The following ZFAND4 variants were observed in gnomAD, a reference collection of about 807,000 sequenced individuals.
The protein encoded by ZFAND4 is AN1-type zinc finger protein 4.
In ZFAND4, 43 loss-of-function variants were observed where a neutral mutation model predicts 64.4. The ratio of observed to expected loss-of-function variants is 0.67; its 90% CI spans 0.52 to 0.86. The LOEUF is 0.86. Among genes scored for constraint, ZFAND4 ranks in the 40% least tolerant of loss-of-function variants. The pLI is 0.00. For missense variants in ZFAND4, 929 were observed against 859.8 expected, an observed-to-expected ratio of 1.08 and a Z score of -1.01; for synonymous variants, 296 against 305.7, an observed-to-expected ratio of 0.97 and a Z score of 0.33.
intron 7 of ZFAND4, among the ~76,000 whole-genome samples, chr10:45,625,473 CAAAAAAAAAA>C (rs1195950172): frequency 1.7e-4 from 9 of 53,088 alleles, no homozygotes; most frequent in Admixed American, 9.0e-4. Context: ...GACTCCGTCT[CAAAAAAAAAA>C]AAAAAAAAAA....
At chr10:45,637,108 A>C (rs2046654271) in intron 6 of ZFAND4, among the ~76,000 whole-genome samples, 1 of 152,034 alleles carries the variant, frequency 6.6e-6, no homozygotes, top group Admixed American at 6.6e-5. Context: ...TGGGAGGCCA[A>C]GGTGGGAGGA....
intron 4 of ZFAND4, chr10:45,651,463 C>T (rs914683504): frequency 4.0e-5 from 17 of 427,632 alleles, no homozygotes; most frequent in East Asian, 3.5e-4. Context: ...ACGCTCAATA[C>T]GTATTTGTTG....
intron 2 of ZFAND4, among the ~76,000 whole-genome samples, chr10:45,657,052 T>C (rs939595674): frequency 4.0e-5 from 6 of 151,792 alleles, no homozygotes; most frequent in Non-Finnish European, 7.4e-5. Context: ...TCTCATCCAT[T>C]GCCCAGGCTG....
intron 6 of ZFAND4, 165 bp downstream of exon 6, chr10:45,639,651 A>G (rs2046854440): frequency 2.6e-6 from 2 of 766,464 alleles, no homozygotes; most frequent in Non-Finnish European, 3.8e-6. Flanking sequence ...CTTCTAATCC[A>G]AAAAATCCAA....
intron 1 of ZFAND4, among the ~76,000 whole-genome samples, chr10:45,671,921 A>G (rs1184003069): frequency 6.6e-6 from 1 of 152,172 alleles, no homozygotes; most frequent in Non-Finnish European, 1.5e-5. Flanking sequence ...TTAAAGGTAA[A>G]CAGGCAATAG....
intron 2 of ZFAND4, 99 bp downstream of exon 2, chr10:45,663,443 T>C (rs1209931503): frequency 3.5e-6 from 3 of 866,562 alleles, no homozygotes; most frequent in Non-Finnish European, 5.2e-6. Flanking sequence ...ACATCATATA[T>C]GTTTGAAATT....
In ZFAND4 at chr10:45,651,989, C is replaced by T. The variant is rs138384835; in HGVS notation, c.305G>A (p.Gly102Asp). The change falls in exon 4 of 10, where the codon GGC becomes GAC. Residue 102 changes from glycine (G) to aspartate (D), a missense_variant. By Grantham distance (94) the Gly-to-Asp change is moderately conservative (BLOSUM62 -1). Coordinates refer to ENST00000344646, the MANE Select transcript of ZFAND4 (RefSeq NM_174890.4). ...ACCTCTTCTAGTATTTATAGGTCCG[C>T]CACGCATAGCCAAAACTAGCTTCAA... Reference protein sequence around the residue: ...CTLKLVLAMRGGPINTRRVPT... With the variant: ...CTLKLVLAMRDGPINTRRVPT... 2.0e-5 allele frequency: 32 copies of T among 1,613,602 alleles called. No individual in the cohort carries two copies. Among genetic ancestry groups the T allele is most frequent in the Non-Finnish European group, 2.5e-5 (30 of 1,179,758 alleles).
intron 1 of ZFAND4, among the ~76,000 whole-genome samples, chr10:45,664,743 T>C (rs1480171093): frequency 2.0e-5 from 3 of 151,742 alleles, no homozygotes; most frequent in Non-Finnish European, 2.9e-5. Context: ...CTGGCTAACA[T>C]GGTGAGACCC....
chr10:45,640,089 T>G, intron 5 of ZFAND4, 126 bp from the exon 6 acceptor site: 1 of 1,323,016 alleles, frequency 7.6e-7, no homozygotes, highest in Non-Finnish European at 1.0e-6. Context: ...TTTGTCAATG[T>G]TAATGTCAGG....
chr10:45,669,629 C>G (rs1328383833), intron 1 of ZFAND4, among the ~76,000 whole-genome samples: 1 of 152,184 alleles, frequency 6.6e-6, no homozygotes, highest in Non-Finnish European at 1.5e-5. Context: ...CGAAAATCCT[C>G]AATAAAATAC....
chr10:45,669,338 T>A (rs535019002), intron 1 of ZFAND4, among the ~76,000 whole-genome samples: 1 of 152,162 alleles, frequency 6.6e-6, no homozygotes, highest in East Asian at 1.9e-4. Context: ...CAGGAAGAAG[T>A]GGAATCTCTG....
At chr10:45,670,219 T>C (rs1181540677) in intron 1 of ZFAND4, among the ~76,000 whole-genome samples, 2 of 150,046 alleles carry the variant, frequency 1.3e-5, no homozygotes, top group East Asian at 2.0e-4. Context: ...AAATCACAAC[T>C]ATCTGATTTT....
chr10:45,665,292 C>T (rs917712413), intron 1 of ZFAND4, among the ~76,000 whole-genome samples: 2 of 152,128 alleles, frequency 1.3e-5, no homozygotes, highest in African/African-American at 4.8e-5. Flanking sequence ...GTAATCCCAG[C>T]ACGTTGGGAG....
At chr10:45,618,902 A>G (rs1441072418) in intron 8 of ZFAND4, among the ~76,000 whole-genome samples, 1 of 152,252 alleles carries the variant, frequency 6.6e-6, no homozygotes, top group Non-Finnish European at 1.5e-5. Context: ...TATTAATAAT[A>G]GTAACTAACA....
Position 45,640,426 on chromosome 10 carries a change from A to T in ZFAND4, c.570-463T>A. The T allele has an allele frequency of 3.0e-6, 3 of 1,009,874 alleles. No individual in the cohort carries two copies. The African/African-American group carries it at 5.2e-5, about 17-fold the overall frequency. The allele number at this position is 1,009,874 out of a possible 1,614,324, so 62.6% of individuals were successfully genotyped here. On this transcript the variant is annotated intron_variant, in intron 5 of 9. Coordinates refer to ENST00000344646, the MANE Select transcript of ZFAND4 (RefSeq NM_174890.4). ...GTCATCCTGAGGAGATTCTCACTAA[A>T]AAAAAAAAAAAAAAAAGAATTCATA...
intron 5 of ZFAND4, 87 bp downstream of exon 5, chr10:45,648,207 G>T: frequency 2.3e-6 from 3 of 1,305,848 alleles, no homozygotes; most frequent in Non-Finnish European, 2.0e-6. Flanking sequence ...ATATATTGGG[G>T]GCTGGGGCAG....
intron 6 of ZFAND4, among the ~76,000 whole-genome samples, chr10:45,632,226 C>A (rs1358746418): frequency 2.0e-5 from 3 of 152,088 alleles, no homozygotes; most frequent in Non-Finnish European, 4.4e-5. Context: ...GGTGTGGTGG[C>A]ACACGCCTGT....
intron 7 of ZFAND4, 67 bp downstream of exon 7, chr10:45,625,884 C>A: frequency 4.2e-6 from 6 of 1,437,984 alleles, no homozygotes; most frequent in Non-Finnish European, 4.7e-6. Flanking sequence ...AAACAAAAAC[C>A]AAACTTTAAA....
chr10:45,630,619 G>A (rs1263548915), intron 6 of ZFAND4, among the ~76,000 whole-genome samples: 1 of 151,932 alleles, frequency 6.6e-6, no homozygotes, highest in Non-Finnish European at 1.5e-5. Context: ...TCCCAGCTCA[G>A]GAGGCTGAGG....
Sources: gnomAD v4.1 joint callset for allele counts (sites outside exome capture counted in the v4.1 genomes callset) on GRCh38, gnomAD v4.1.1 for gene constraint, MANE v1.5 for transcripts, NCBI Gene and HGNC (gene_info 2026-07-23, HGNC 2026-07-21) for gene names.